The following FAM107B variants were observed in gnomAD, a reference collection of about 807,000 sequenced individuals.
FAM107B encodes family with sequence similarity 107 member B.
Under a neutral mutation model 31.5 loss-of-function variants are expected in FAM107B, and 21 were observed. The observed-to-expected ratio is 0.67, with a 90% CI of 0.47 to 0.96. FAM107B has a LOEUF of 0.96. Ranked by LOEUF, FAM107B falls within the 40% of genes least tolerant of loss-of-function variation. The probability of loss-of-function intolerance (pLI) is 0.00; values close to 1 mark genes in which losing one functional copy is unlikely to be tolerated. For synonymous variants in FAM107B, 157 were observed against 141.5 expected (o/e 1.11, Z -0.78); for missense variants, 452 against 377.1 (o/e 1.20, Z -1.64).
intron 2 of FAM107B, among the ~76,000 whole-genome samples, chr10:14,550,963 G>C (rs1849205819): frequency 6.6e-6 from 1 of 152,132 alleles, no homozygotes; most frequent in African/African-American, 2.4e-5. Flanking sequence ...AGAAAATACA[G>C]ATCATCATAG....
chr10:14,525,300 C>A (rs192986963), intron 3 of FAM107B, among the ~76,000 whole-genome samples: 239 of 152,262 alleles, frequency 1.6e-3, no homozygotes, highest in African/African-American at 5.6e-3. Context: ...GTATCACCCA[C>A]GAGTAACAGT....
intron 1 of FAM107B, chr10:14,723,704 C>T: frequency 1.3e-6 from 1 of 756,110 alleles, no homozygotes; most frequent in Non-Finnish European, 2.4e-6. Context: ...AGTCATGGCT[C>T]CCAGAAGGCT....
At chr10:14,708,748 C>T (rs1855574766) in intron 1 of FAM107B, among the ~76,000 whole-genome samples, 1 of 152,058 alleles carries the variant, frequency 6.6e-6, no homozygotes, top group South Asian at 2.1e-4. Flanking sequence ...AGGATTGGTA[C>T]CCCAAATATG....
At chr10:14,684,832 T>G (rs1854935450) in intron 1 of FAM107B, among the ~76,000 whole-genome samples, 1 of 152,022 alleles carries the variant, frequency 6.6e-6, no homozygotes, top group Non-Finnish European at 1.5e-5. Flanking sequence ...TTTTTCTTTT[T>G]TTTTTTGAGA....
At chr10:14,725,750 C>T (rs1455382196) in intron 1 of FAM107B, among the ~76,000 whole-genome samples, 1 of 151,882 alleles carries the variant, frequency 6.6e-6, no homozygotes, top group Admixed American at 6.6e-5. Context: ...AAGTCCCCAC[C>T]TCCTAATTTC....
intron 2 of FAM107B, among the ~76,000 whole-genome samples, chr10:14,627,857 T>G (rs967772498): frequency 1.3e-5 from 2 of 150,696 alleles, no homozygotes; most frequent in Non-Finnish European, 3.0e-5. Context: ...AAGAGGGAGA[T>G]CAGAATTAGG....
At chr10:14,637,027 A>G (rs1853517058) in intron 2 of FAM107B, among the ~76,000 whole-genome samples, 1 of 152,102 alleles carries the variant, frequency 6.6e-6, no homozygotes, top group Non-Finnish European at 1.5e-5. Flanking sequence ...CTATAGGTAA[A>G]CTTAAATCCC....
intron 2 of FAM107B, among the ~76,000 whole-genome samples, chr10:14,589,700 G>A (rs775997176): frequency 3.9e-5 from 6 of 152,110 alleles, no homozygotes; most frequent in Non-Finnish European, 8.8e-5. Flanking sequence ...CCAAATGTAT[G>A]CGGGGCTTAA....
At chr10:14,572,436 C>CACTGTGGAGAGAAACAGGCTTGGTGG in intron 2 of FAM107B, 1 of 982,764 alleles carries the variant, frequency 1.0e-6, no homozygotes, top group Non-Finnish European at 1.2e-6. Context: ...CTTCTTAGAG[C>CACTGTGGAGAGAAACAGGCTTGGTGG]ATCACCACAA....
intron 1 of FAM107B, among the ~76,000 whole-genome samples, chr10:14,669,504 C>T (rs1452644204): frequency 6.6e-6 from 1 of 151,848 alleles, no homozygotes; most frequent in African/African-American, 2.4e-5. Context: ...GAACATCCAT[C>T]GCCAGATAAA....
intron 2 of FAM107B, among the ~76,000 whole-genome samples, chr10:14,570,267 T>TGTGTGA (rs1564577348): frequency 1.9e-4 from 28 of 151,210 alleles, no homozygotes; most frequent in African/African-American, 6.9e-4. Context: ...TGTGTGTGTG[T>TGTGTGA]GTGATGTTTA....
At chr10:14,594,408 G>A (rs774080998) in intron 2 of FAM107B, among the ~76,000 whole-genome samples, 19 of 150,932 alleles carry the variant, frequency 1.3e-4, no homozygotes, top group Non-Finnish European at 2.4e-4. Context: ...GGAAGCTGAG[G>A]TGGGAAGATC....
chr10:14,746,823 G>A (rs1392836037), intron 1 of FAM107B, among the ~76,000 whole-genome samples: 1 of 152,170 alleles, frequency 6.6e-6, no homozygotes, highest in Non-Finnish European at 1.5e-5. Context: ...TGAATTTCCT[G>A]AATTTGAATG....
At chr10:14,761,213 A>C (rs1283445236) in intron 1 of FAM107B, among the ~76,000 whole-genome samples, 2 of 152,172 alleles carry the variant, frequency 1.3e-5, no homozygotes, top group African/African-American at 4.8e-5. Context: ...TAGGGCAACA[A>C]ACTTTCATGG....
At chr10:14,598,438 G>A (rs1852258246) in intron 2 of FAM107B, among the ~76,000 whole-genome samples, 1 of 152,224 alleles carries the variant, frequency 6.6e-6, no homozygotes, top group South Asian at 2.1e-4. Context: ...CCAAGTGAAA[G>A]AAGCCAGGCA....
Position 14,537,407 on chromosome 10 carries a change from G to C in FAM107B, c.470-6892C>G, listed in dbSNP as rs190231805. On this transcript the variant is annotated intron_variant, in intron 2 of 4. Coordinates refer to ENST00000181796, the MANE Select transcript of FAM107B (RefSeq NM_031453.4). ...CTGACAGCTTCAAGAGCATGGGTTT[G>C]GGTGGGGCAACCCGCATCTGCATTC... Among the ~76,000 whole-genome samples the C allele has an allele frequency of 2.1e-3, 326 of 152,318 alleles. 3 individuals are homozygous for C. Among genetic ancestry groups the C allele is most frequent in the African/African-American group, 7.3e-3 (302 of 41,566 alleles).
chr10:14,770,674 C>T (rs997635143), intron 1 of FAM107B, among the ~76,000 whole-genome samples: 5 of 152,148 alleles, frequency 3.3e-5, no homozygotes, highest in African/African-American at 1.2e-4. Flanking sequence ...TTATAAGACA[C>T]ATTCCCATTT....
chr10:14,552,926 C>T (rs1588563831), intron 2 of FAM107B, among the ~76,000 whole-genome samples: 1 of 152,192 alleles, frequency 6.6e-6, no homozygotes, highest in Non-Finnish European at 1.5e-5. Flanking sequence ...AAAATCCTGC[C>T]CTAATTCACT....
chr10:14,728,995 G>C lies in FAM107B; in HGVS notation c.411+45258C>G, dbSNP rs565276854. On this transcript the variant is annotated intron_variant, in intron 1 of 4. Coordinates refer to ENST00000181796, the MANE Select transcript of FAM107B (RefSeq NM_031453.4). ...AACTCTTCAAGTTAGATAGATATAT[G>C]TGTTTTGTTTTTTTTTAAATGGGGT... Among the ~76,000 whole-genome samples the C allele has an allele frequency of 1.4e-4, 22 of 152,004 alleles. 1 individual carries two copies. In the South Asian group the frequency reaches 3.8e-3, roughly 26 times the overall value.
Sources: allele counts gnomAD v4.1 joint callset (sites outside exome capture counted in the v4.1 genomes callset), GRCh38; gene constraint gnomAD v4.1.1; transcripts MANE v1.5; gene names NCBI Gene and HGNC (gene_info 2026-07-23, HGNC 2026-07-21).